NKD1: variants seen among roughly 807,000 people sequenced by gnomAD.
The protein encoded by NKD1 is NKD inhibitor of Wnt signaling pathway 1.
NKD1 carries 21 observed loss-of-function variants against 56.0 expected under a neutral mutation model. The observed-to-expected ratio is 0.38, with a 90% CI of 0.27 to 0.54. The LOEUF (loss-of-function observed/expected upper bound fraction) is 0.54, where lower values mean the gene tolerates loss of function less well. Ranked by LOEUF, NKD1 falls within the 20% of genes least tolerant of loss-of-function variation. The pLI is 0.82. For missense variants in NKD1, 578 were observed against 642.7 expected (o/e 0.90, Z 1.09); for synonymous variants, 263 against 265.7 (o/e 0.99, Z 0.10).
intron 3 of NKD1, among the ~76,000 whole-genome samples, chr16:50,586,350 C>G (rs959153276): frequency 9.2e-5 from 13 of 141,570 alleles, no homozygotes; most frequent in Non-Finnish European, 1.7e-4. Flanking sequence ...AAGCGTGGAT[C>G]ACTGAGTCAC....
At chr16:50,562,981 CCA>C (rs1960669148) in intron 3 of NKD1, among the ~76,000 whole-genome samples, 3 of 105,390 alleles carry the variant, frequency 2.8e-5, no homozygotes, top group African/African-American at 1.5e-4. Context: ...CTAGGTCCCA[CCA>C]CCACCCCCCC....
At chr16:50,580,176 T>C (rs921426986) in intron 3 of NKD1, among the ~76,000 whole-genome samples, 2 of 152,256 alleles carry the variant, frequency 1.3e-5, no homozygotes, top group African/African-American at 4.8e-5. Flanking sequence ...CCAGGTGGGC[T>C]TTCTGTTTTT....
intron 3 of NKD1, among the ~76,000 whole-genome samples, chr16:50,572,070 C>G (rs1232946129): frequency 1.3e-5 from 2 of 152,202 alleles, no homozygotes; most frequent in African/African-American, 2.4e-5. Flanking sequence ...TTGTTCTCCC[C>G]AGCTCACCCT....
chr16:50,617,269 C>T (rs922478150), intron 4 of NKD1, among the ~76,000 whole-genome samples: 2 of 152,182 alleles, frequency 1.3e-5, no homozygotes, highest in Non-Finnish European at 2.9e-5. Flanking sequence ...CTTCTTCTTT[C>T]GCTCTCTCTT....
intron 3 of NKD1, among the ~76,000 whole-genome samples, chr16:50,578,485 T>C (rs1961036664): frequency 6.6e-6 from 1 of 152,182 alleles, no homozygotes; most frequent in African/African-American, 2.4e-5. Flanking sequence ...TTCTGCTGGC[T>C]TCTGCTTCTT....
At chr16:50,569,928 C>T (rs899205847) in intron 3 of NKD1, among the ~76,000 whole-genome samples, 2 of 152,166 alleles carry the variant, frequency 1.3e-5, no homozygotes, top group African/African-American at 2.4e-5. Context: ...ATTGCTTTAG[C>T]AGAGTGGTTG....
chr16:50,548,727 C>T lies in NKD1; in HGVS notation c.36C>T (p.Cys12=), dbSNP rs1239412987. The part of the protein sequence containing the change: ...GKLHSKPAAV[C]KRRESPEGDS... ...GCGATGTGCCTGCAGCCGCCGTGTGCAAGCGCAGGGAGAGCCCGGAAGGTA... is the reference window on the plus strand; with the variant it reads ...GCGATGTGCCTGCAGCCGCCGTGTGTAAGCGCAGGGAGAGCCCGGAAGGTA... The change falls in exon 2 of 10, where the codon TGC becomes TGT. Residue 12 remains cysteine (C), a synonymous_variant. Transcript: ENST00000268459. 1 of 1,452,070 alleles carries T rather than the reference C, an allele frequency of 6.9e-7. No homozygotes were observed. 89.9% of individuals were successfully genotyped at this position (1,452,070 alleles called of 1,614,324 possible).
chr16:50,584,385 A>G (rs1053802561), intron 3 of NKD1, among the ~76,000 whole-genome samples: 5 of 152,220 alleles, frequency 3.3e-5, no homozygotes, highest in African/African-American at 1.2e-4. Context: ...CCAAAAGGGT[A>G]TGGAATCAGT....
rs1596776148 is a variant in NKD1 at position 50,647,474 on chromosome 16, A to G, written c.*13693A>G. ...GTTTTTCTCAGGAGGAGATCCTGAGATGAAGACTCAGGAGCAGGTTGTTGA... is the reference window on the plus strand; with the variant it reads ...GTTTTTCTCAGGAGGAGATCCTGAGGTGAAGACTCAGGAGCAGGTTGTTGA... On this transcript the variant is annotated 3_prime_UTR_variant, in exon 10 of 10. Transcript: ENST00000268459. 1 of 152,194 alleles carries G rather than the reference A, an allele frequency of 6.6e-6. No individual in the cohort carries two copies. The highest frequency in any genetic ancestry group is 1.5e-5 in the Non-Finnish European group (1 of 68,040). 9.4% of individuals were successfully genotyped at this position (152,194 alleles called of 1,614,324 possible). A position where few individuals can be genotyped will look rare whatever the true frequency, so the allele number is the denominator to read the frequency against.
chr16:50,556,720 G>A (rs1960511293), intron 3 of NKD1: 1 of 149,652 alleles, frequency 6.7e-6, no homozygotes, highest in Admixed American at 6.6e-5. Context: ...TCATGCATCT[G>A]CAGTAGGGTT....
chr16:50,633,976 G>A lies in NKD1; in HGVS notation c.*195G>A, dbSNP rs749349224. The A allele has an allele frequency of 3.9e-5, 19 of 486,114 alleles. No homozygotes were observed. The highest frequency in any genetic ancestry group is 6.9e-5 in the Non-Finnish European group (19 of 276,320). 30.1% of individuals were successfully genotyped at this position (486,114 alleles called of 1,614,324 possible). ...AACTAAACTTTTATTTATATGTTGTGGGGACTGCATAACTAGCCCAGGAAA... is the reference window on the plus strand; with the variant it reads ...AACTAAACTTTTATTTATATGTTGTAGGGACTGCATAACTAGCCCAGGAAA... On this transcript the variant is annotated 3_prime_UTR_variant, in exon 10 of 10. Transcript: ENST00000268459. This position sits in a 1 kb window ranked among gnomAD's most constrained non-coding sequence, Gnocchi z 4.9.
chr16:50,640,811 C>T lies in NKD1; in HGVS notation c.*7030C>T, dbSNP rs1325377252. 1.3e-5 allele frequency: 2 copies of T among 151,034 alleles called. No homozygotes were observed. The highest frequency in any genetic ancestry group is 4.9e-5 in the African/African-American group (2 of 41,070). 9.4% of individuals were successfully genotyped at this position (151,034 alleles called of 1,614,324 possible). On this transcript the variant is annotated 3_prime_UTR_variant, in exon 10 of 10. Coordinates refer to ENST00000268459, the MANE Select transcript of NKD1 (RefSeq NM_033119.5). ...AAGAATAGAAAATTGCAGTCCCTTACTGTTTAAAGAAAAACCAAAAGAAGT... is the reference window on the plus strand; with the variant it reads ...AAGAATAGAAAATTGCAGTCCCTTATTGTTTAAAGAAAAACCAAAAGAAGT...
rs969201532 is a variant in NKD1 at position 50,638,877 on chromosome 16, C to A, written c.*5096C>A. 6.6e-6 allele frequency: 1 copy of A among 152,190 alleles called. No homozygotes were observed. Among genetic ancestry groups the A allele is most frequent in the Non-Finnish European group, 1.5e-5 (1 of 68,064 alleles). 9.4% of individuals were successfully genotyped at this position (152,190 alleles called of 1,614,324 possible). Reference sequence around the variant, plus strand: ...CTCCAGCTGACCAGCCAATGGGATTCCTCTTCCCTCCACTGTCTCCCACAA... The same window carrying A: ...CTCCAGCTGACCAGCCAATGGGATTACTCTTCCCTCCACTGTCTCCCACAA... On this transcript the variant is annotated 3_prime_UTR_variant, in exon 10 of 10. Transcript: ENST00000268459.
chr16:50,586,418 A>C (rs1961231605), intron 3 of NKD1, among the ~76,000 whole-genome samples: 2 of 151,868 alleles, frequency 1.3e-5, no homozygotes, highest in South Asian at 4.2e-4. Context: ...CTCCCCTCCC[A>C]TCTCCAGCCA....
At chr16:50,626,603 G>T (rs2151280064) in intron 6 of NKD1, among the ~76,000 whole-genome samples, 1 of 152,356 alleles carries the variant, frequency 6.6e-6, no homozygotes, top group Admixed American at 6.5e-5. Context: ...CACAGATGTG[G>T]CTGGGGATCC....
chr16:50,548,602 C>T, intron 1 of NKD1, 24 bp downstream of exon 1: 1 of 1,447,126 alleles, frequency 6.9e-7, no homozygotes, highest in South Asian at 1.3e-5. Context: ...CCCGCGCGCT[C>T]GCCCCGGGCC....
At chr16:50,604,761 C>T (rs1319874156) in intron 3 of NKD1, among the ~76,000 whole-genome samples, 1 of 152,234 alleles carries the variant, frequency 6.6e-6, no homozygotes. Context: ...CTGAATATGT[C>T]TCCTGGCAAC....
intron 3 of NKD1, among the ~76,000 whole-genome samples, chr16:50,573,089 A>G (rs882671): frequency 0.098 from 14,895 of 152,266 alleles, 1,329 homozygotes; most frequent in African/African-American, 0.24. Context: ...GTGAATCAGT[A>G]AAACTGTGTG....
chr16:50,610,162 C>T (rs1026943806), intron 4 of NKD1, among the ~76,000 whole-genome samples: 7 of 152,146 alleles, frequency 4.6e-5, no homozygotes, highest in African/African-American at 1.7e-4. Flanking sequence ...GAGACCCTGT[C>T]TCTATTATCA....
Sources: allele counts gnomAD v4.1 joint callset (sites outside exome capture counted in the v4.1 genomes callset), GRCh38; gene constraint gnomAD v4.1.1; non-coding constraint Gnocchi (gnomAD v3.1); transcripts MANE v1.5; gene names NCBI Gene and HGNC (gene_info 2026-07-23, HGNC 2026-07-21).